RAP2C: variants seen among roughly 807,000 people sequenced by gnomAD.
The protein encoded by RAP2C is RAP2C, member of RAS oncogene family, also known as ras-related protein Rap-2c.
A neutral mutation model predicts 8.9 loss-of-function variants in RAP2C; 3 were observed. That is an observed-to-expected ratio of 0.34 (90% CI 0.15 to 0.87). The LOEUF (loss-of-function observed/expected upper bound fraction) is 0.87. Ranked by LOEUF, RAP2C falls within the 40% of genes least tolerant of loss-of-function variation. The pLI, the probability that RAP2C is intolerant of heterozygous loss-of-function variation, is 0.51. For missense variants in RAP2C, 76 were observed against 133.7 expected, an observed-to-expected ratio of 0.57 and a Z score of 2.13; for synonymous variants, 60 against 52.1, an observed-to-expected ratio of 1.15 and a Z score of -0.65.
chrX:132,207,327 T>C (rs1930302795), intron 5 of RAP2C, among the ~76,000 whole-genome samples: 1 of 111,638 alleles, frequency 9.0e-6, no homozygotes. Context: ...ATTGAGAAAG[T>C]AGTTATTATT....
At chrX:132,209,181 G>A (rs150344527) in intron 5 of RAP2C, among the ~76,000 whole-genome samples, 41 of 111,697 alleles carry the variant, frequency 3.7e-4, no homozygotes, top group African/African-American at 1.3e-3. Flanking sequence ...CACACATGAA[G>A]GAAAGCAAGC....
chrX:132,212,465 G>C (rs1259950205), intron 5 of RAP2C, among the ~76,000 whole-genome samples: 1 of 112,222 alleles, frequency 8.9e-6, no homozygotes, highest in Non-Finnish European at 1.9e-5. Flanking sequence ...TTGGCTGAGA[G>C]AGCTGGCTCT....
Position 132,217,314 on chromosome X carries a change from C to A in RAP2C, c.-46G>T. On this transcript the variant is annotated 5_prime_UTR_variant, in exon 4 of 6. Coordinates refer to ENST00000370874, the MANE Select transcript of RAP2C (RefSeq NM_001271186.2). ...CCTACCAGAGGGGGGGAAAGATCAC[C>A]CCGCTAGCTGTGGCGCGGCTAGACG... The A allele has an allele frequency of 2.9e-6, 3 of 1,049,318 alleles. No individual in the cohort carries two copies. The highest frequency in any genetic ancestry group is 2.7e-4 in the Middle Eastern group (1 of 3,734). 86.5% of individuals were successfully genotyped at this position (1,049,318 alleles called of 1,213,427 possible). A position where few individuals can be genotyped will look rare whatever the true frequency, so the allele number is the denominator to read the frequency against.
Position 132,214,168 on chromosome X carries a change from T to A in RAP2C, c.552A>T (p.Ter184TyrextTer3). The A allele has an allele frequency of 8.3e-7, 1 of 1,206,486 alleles. No homozygotes were observed. Among genetic ancestry groups the A allele is most frequent in the Non-Finnish European group, 1.1e-6 (1 of 891,635 alleles). Reference protein sequence around the residue: ...DQCCTTCVVQ* With the variant: ...DQCCTTCVVQY Reference sequence around the variant, plus strand: ...ATGGCCATGATTGAGGTTATCTTCTTTACTGGACGACACAAGTTGTACAAC... The same window carrying A: ...ATGGCCATGATTGAGGTTATCTTCTATACTGGACGACACAAGTTGTACAAC... The change falls in exon 5 of 6, where the codon TAA becomes TAT. Residue 184 changes from the stop codon to tyrosine, a stop_lost. Transcript: ENST00000370874.
intron 5 of RAP2C, among the ~76,000 whole-genome samples, chrX:132,207,885 C>T (rs1433320509): frequency 9.0e-6 from 1 of 111,404 alleles, no homozygotes; most frequent in Non-Finnish European, 1.9e-5. Flanking sequence ...CGACCTCACT[C>T]TCAAGTTTCC....
At chrX:132,208,318 GTCTC>G (rs916320914) in intron 5 of RAP2C, among the ~76,000 whole-genome samples, 1 of 109,302 alleles carries the variant, frequency 9.1e-6, no homozygotes, top group Non-Finnish European at 1.9e-5. Context: ...TACTAGCATT[GTCTC>G]TCTCTCTCTC....
chrX:132,215,341 A>G (rs1930548299), intron 4 of RAP2C, among the ~76,000 whole-genome samples: 1 of 111,790 alleles, frequency 8.9e-6, no homozygotes, highest in African/African-American at 3.3e-5. Context: ...TTTGCCTTAA[A>G]TAGAAAATGT....
chrX:132,218,103 C>A (rs1930709515), intron 2 of RAP2C, 91 bp from the exon 3 acceptor site: 1 of 30,228 alleles, frequency 3.3e-5, no homozygotes, highest in African/African-American at 3.3e-4. Flanking sequence ...ACCCACCCCC[C>A]ACCCCCACCC....
chrX:132,218,857 G>T (rs1461710070), intron 1 of RAP2C: 1 of 112,309 alleles, frequency 8.9e-6, no homozygotes, highest in Non-Finnish European at 1.9e-5. Context: ...ATTCAAGAAA[G>T]ATTTGATTGG....
intron 5 of RAP2C, among the ~76,000 whole-genome samples, chrX:132,210,431 G>A (rs1267049113): frequency 2.7e-5 from 3 of 112,394 alleles, no homozygotes; most frequent in Non-Finnish European, 5.6e-5. Context: ...TGTTCAAATA[G>A]AGTTTAGTCT....
At chrX:132,210,858 C>T (rs1338126397) in intron 5 of RAP2C, among the ~76,000 whole-genome samples, 3 of 111,490 alleles carry the variant, frequency 2.7e-5, no homozygotes, top group Non-Finnish European at 5.7e-5. Context: ...GCACTTCCCC[C>T]TTACTATTAG....
At chrX:132,215,786 A>G (rs768960125) in intron 4 of RAP2C, among the ~76,000 whole-genome samples, 1 of 111,671 alleles carries the variant, frequency 9.0e-6, no homozygotes, top group Admixed American at 9.5e-5. Flanking sequence ...TTTCTGGGGG[A>G]AAATGCTTTT....
Position 132,217,304 on chromosome X carries a change from GA to G in RAP2C, c.-37del, listed in dbSNP as rs748216761. On this transcript the variant is annotated 5_prime_UTR_variant, in exon 4 of 6. Transcript: ENST00000370874. ...TTCACCAACTCCTACCAGAGGGGGG[GA>G]AAGATCACCCCGCTAGCTGTGGCGC... is the stretch of plus-strand genomic sequence containing the variant. 20 of 1,054,205 alleles carry G rather than the reference GA, an allele frequency of 1.9e-5. No homozygotes were observed. The highest frequency in any genetic ancestry group is 8.7e-5 in the South Asian group (3 of 34,659). 86.9% of individuals were successfully genotyped at this position (1,054,205 alleles called of 1,213,427 possible).
rs1236437876 is a variant in RAP2C, at chrX:132,214,126, A to G, written c.*34+8T>C. On this transcript the variant is annotated splice_region_variant and intron_variant, in intron 5 of 5. Transcript: ENST00000370874. The stretch of plus-strand genomic sequence containing the variant: ...TACCTGATTCATACAGTTCCATCAA[A>G]AACTAACCTGCTCGGTATGGCCATG... 8.5e-7 allele frequency: 1 copy of G among 1,172,599 alleles called. No homozygotes were observed. The highest frequency in any genetic ancestry group is 2.4e-5 in the Admixed American group (1 of 41,925).
intron 5 of RAP2C, among the ~76,000 whole-genome samples, chrX:132,208,546 TAATA>T (rs1602887139): frequency 9.0e-6 from 1 of 110,792 alleles, no homozygotes; most frequent in Non-Finnish European, 1.9e-5. Flanking sequence ...ATAATGATGT[TAATA>T]AATCATCAAA....
rs1379012543 is a variant in RAP2C at position 132,203,160 on chromosome X, T to C, written c.*2462A>G. The C allele has an allele frequency of 1.8e-5, 2 of 112,104 alleles. No homozygotes were observed. Among genetic ancestry groups the C allele is most frequent in the African/African-American group, 6.5e-5 (2 of 30,792 alleles). The allele number at this position is 112,104 out of a possible 1,213,427, so 9.2% of individuals were successfully genotyped here. On this transcript the variant is annotated 3_prime_UTR_variant, in exon 6 of 6. Coordinates refer to ENST00000370874, the MANE Select transcript of RAP2C (RefSeq NM_001271186.2). ...ATCTTTATAGGTAATTGTTCAATGTTTGTACTTGTTATTTGAGATTTTACC... is the reference window on the plus strand; with the variant it reads ...ATCTTTATAGGTAATTGTTCAATGTCTGTACTTGTTATTTGAGATTTTACC...
chrX:132,211,377 G>A (rs1930424922), intron 5 of RAP2C, among the ~76,000 whole-genome samples: 5 of 111,650 alleles, frequency 4.5e-5, no homozygotes. Context: ...CAGCACAGAA[G>A]AGCTATGATA....
intron 4 of RAP2C, 69 bp from the exon 5 acceptor site, chrX:132,214,515 A>G: frequency 1.8e-6 from 2 of 1,112,721 alleles, no homozygotes; most frequent in Non-Finnish European, 2.4e-6. Context: ...GAAATATTAC[A>G]GTATTACAAA....
chrX:132,216,609 C>T (rs1329359777), intron 4 of RAP2C, among the ~76,000 whole-genome samples: 1 of 110,589 alleles, frequency 9.0e-6, no homozygotes, highest in Non-Finnish European at 1.9e-5. Flanking sequence ...AACAGATAAT[C>T]GGCTCCAAAT....
Sources: gnomAD v4.1 joint callset for allele counts (sites outside exome capture counted in the v4.1 genomes callset) on GRCh38, gnomAD v4.1.1 for gene constraint, MANE v1.5 for transcripts, NCBI Gene and HGNC (gene_info 2026-07-23, HGNC 2026-07-21) for gene names.